The following TOM1L2 variants were observed in gnomAD, a reference collection of about 807,000 sequenced individuals.
TOM1L2 encodes TOM1-like protein 2.
In TOM1L2, 31 loss-of-function variants were observed where a neutral mutation model predicts 67.9. That is an observed-to-expected ratio of 0.46 (90% CI 0.34 to 0.62). The LOEUF is 0.62. Ranked by LOEUF, TOM1L2 falls within the 20% of genes least tolerant of loss-of-function variation. TOM1L2 has a pLI of 0.01. For synonymous variants in TOM1L2, 256 were observed against 254.0 expected (o/e 1.01, Z -0.07); for missense variants, 606 against 663.5 (o/e 0.91, Z 0.95).
chr17:17,932,436 T>C (rs997851890), intron 1 of TOM1L2, among the ~76,000 whole-genome samples: 38 of 152,262 alleles, frequency 2.5e-4, no homozygotes, highest in African/African-American at 8.2e-4. Flanking sequence ...AGCCCTCTTT[T>C]TTAACAAACA....
At chr17:17,887,278 T>C (rs2038046943) in intron 4 of TOM1L2, among the ~76,000 whole-genome samples, 1 of 152,238 alleles carries the variant, frequency 6.6e-6, no homozygotes, top group Non-Finnish European at 1.5e-5. Context: ...AGATGGCTGC[T>C]AACAGAGCAG....
At chr17:17,921,070 C>T (rs1332968947) in intron 1 of TOM1L2, among the ~76,000 whole-genome samples, 2 of 152,188 alleles carry the variant, frequency 1.3e-5, no homozygotes, top group South Asian at 2.1e-4. Flanking sequence ...GCTCATGATC[C>T]GATCCAGAAT....
chr17:17,962,413 A>G (rs563793725), intron 1 of TOM1L2, among the ~76,000 whole-genome samples: 1 of 151,602 alleles, frequency 6.6e-6, no homozygotes, highest in South Asian at 2.1e-4. Context: ...CTCCTCCTCT[A>G]GCAATTCTCC....
intron 7 of TOM1L2, chr17:17,869,937 C>T (rs1234747189): frequency 6.3e-6 from 1 of 159,474 alleles, no homozygotes; most frequent in Non-Finnish European, 1.4e-5. Context: ...GCAATGAACA[C>T]CTGTACACAC....
intron 1 of TOM1L2, among the ~76,000 whole-genome samples, chr17:17,957,819 A>G (rs997722429): frequency 6.6e-6 from 1 of 152,072 alleles, no homozygotes; most frequent in African/African-American, 2.4e-5. Context: ...AAGAAAAACT[A>G]GGCCAGGCGT....
At chr17:17,912,820 G>A (rs2039449989) in intron 1 of TOM1L2, among the ~76,000 whole-genome samples, 1 of 152,086 alleles carries the variant, frequency 6.6e-6, no homozygotes, top group African/African-American at 2.4e-5. Flanking sequence ...GGCACTTTGG[G>A]AGGCCAAGGC....
intron 1 of TOM1L2, among the ~76,000 whole-genome samples, chr17:17,955,591 G>A (rs1410894404): frequency 6.6e-6 from 1 of 151,898 alleles, no homozygotes; most frequent in African/African-American, 2.4e-5. Context: ...CTCCTGCCTC[G>A]GACTCCCAAA....
At chr17:17,916,270 T>C (rs1011077161) in intron 1 of TOM1L2, among the ~76,000 whole-genome samples, 4 of 152,128 alleles carry the variant, frequency 2.6e-5, no homozygotes, top group African/African-American at 9.7e-5. Flanking sequence ...AGACGGGGTT[T>C]CACTGTGTTA....
At chr17:17,878,525 T>A (rs1235459056) in intron 7 of TOM1L2, among the ~76,000 whole-genome samples, 1 of 151,558 alleles carries the variant, frequency 6.6e-6, no homozygotes, top group Non-Finnish European at 1.5e-5. Context: ...GGCTTTGGAG[T>A]AGGAAGGGGG....
At chr17:17,877,913 C>G (rs138120331) in intron 7 of TOM1L2, among the ~76,000 whole-genome samples, 3 of 151,980 alleles carry the variant, frequency 2.0e-5, no homozygotes, top group East Asian at 1.9e-4. Context: ...CCTCTCCCCC[C>G]AAAACACGAA....
chr17:17,937,767 C>A (rs1168984434), intron 1 of TOM1L2, among the ~76,000 whole-genome samples: 3 of 152,198 alleles, frequency 2.0e-5, no homozygotes, highest in African/African-American at 7.2e-5. Context: ...GAACACCACT[C>A]ATGCAAGAGC....
intron 3 of TOM1L2, among the ~76,000 whole-genome samples, chr17:17,896,501 T>C (rs2038578568): frequency 6.6e-6 from 1 of 152,172 alleles, no homozygotes; most frequent in Non-Finnish European, 1.5e-5. Context: ...CCCAGCCTGG[T>C]CTTGGAAGTG....
At chr17:17,905,624 G>A (rs1225474379) in intron 2 of TOM1L2, among the ~76,000 whole-genome samples, 3 of 152,098 alleles carry the variant, frequency 2.0e-5, no homozygotes, top group Non-Finnish European at 2.9e-5. Context: ...TCACAGCCTC[G>A]AACTCCTAGG....
chr17:17,925,589 C>T (rs2144649017), intron 1 of TOM1L2, among the ~76,000 whole-genome samples: 1 of 151,792 alleles, frequency 6.6e-6, no homozygotes, highest in Non-Finnish European at 1.5e-5. Flanking sequence ...TGCCTCTAAT[C>T]CCAGCACTTT....
chr17:17,861,355 C>T, intron 12 of TOM1L2, 121 bp downstream of exon 12: 1 of 915,758 alleles, frequency 1.1e-6, no homozygotes, highest in South Asian at 1.5e-5. Flanking sequence ...GGGTCTCTCC[C>T]CCAGGGTGTC....
intron 1 of TOM1L2, among the ~76,000 whole-genome samples, chr17:17,954,645 G>A (rs2041352361): frequency 6.6e-6 from 1 of 152,170 alleles, no homozygotes; most frequent in African/African-American, 2.4e-5. Flanking sequence ...GAGATGGGGA[G>A]TTCCAGAAAT....
At chr17:17,949,826 T>C (rs1420687013) in intron 1 of TOM1L2, among the ~76,000 whole-genome samples, 1 of 140,522 alleles carries the variant, frequency 7.1e-6, no homozygotes, top group Admixed American at 7.5e-5. Context: ...GTTATAACAC[T>C]GAATCTGTTC....
intron 10 of TOM1L2, among the ~76,000 whole-genome samples, chr17:17,864,340 A>G (rs2036725482): frequency 6.6e-6 from 1 of 150,602 alleles, no homozygotes; most frequent in Non-Finnish European, 1.5e-5. Context: ...TCTCCCAAGT[A>G]GCTGGGACTA....
At chr17:17,928,748 G>A (rs1172195607) in intron 1 of TOM1L2, among the ~76,000 whole-genome samples, 9 of 152,166 alleles carry the variant, frequency 5.9e-5, no homozygotes, top group Admixed American at 5.9e-4. Context: ...ATTCAATAAT[G>A]TGTGTCAAAC....
Sources: allele counts gnomAD v4.1 joint callset (sites outside exome capture counted in the v4.1 genomes callset), GRCh38; gene constraint gnomAD v4.1.1; transcripts MANE v1.5; gene names NCBI Gene and HGNC (gene_info 2026-07-23, HGNC 2026-07-21).